MRM1: variants seen among roughly 807,000 people sequenced by gnomAD.
MRM1 encodes rRNA methyltransferase 1, mitochondrial.
MRM1 carries 24 observed loss-of-function variants against 25.0 expected under a neutral mutation model. The observed-to-expected ratio is 0.96, with a 90% CI of 0.69 to 1.35. The LOEUF is 1.35. Ranked by LOEUF, MRM1 falls within the 40% of genes most tolerant of loss-of-function variation. The pLI is 0.00. For synonymous variants in MRM1, 188 were observed against 199.2 expected (o/e 0.94, Z 0.47); for missense variants, 431 against 464.1 (o/e 0.93, Z 0.65).
At chr17:36,625,943 C>T in the MRM1 span, among the ~76,000 whole-genome samples, 2 of 151,938 alleles carry the variant, frequency 1.3e-5, no homozygotes, top group Non-Finnish European at 2.9e-5. Flanking sequence ...AATCTCATCA[C>T]CCCCTAAAGC....
the MRM1 span, among the ~76,000 whole-genome samples, chr17:36,625,956 C>G: frequency 6.6e-6 from 1 of 151,416 alleles, no homozygotes; most frequent in African/African-American, 2.4e-5. Context: ...CCTAAAGCCT[C>G]CCCTGATGCT....
intron 2 of MRM1, among the ~76,000 whole-genome samples, chr17:36,605,124 G>A (rs2074916743): frequency 6.7e-6 from 1 of 148,664 alleles, no homozygotes; most frequent in Non-Finnish European, 1.5e-5. Context: ...TGGGCAATAA[G>A]AGTGAAACTC....
chr17:36,610,934 C>T (rs1015095710), downstream of MRM1, among the ~76,000 whole-genome samples: 1 of 152,162 alleles, frequency 6.6e-6, no homozygotes, highest in Non-Finnish European at 1.5e-5. Flanking sequence ...CTGCCTCAGC[C>T]TCCCAAGTAG....
the MRM1 span, among the ~76,000 whole-genome samples, chr17:36,628,266 G>T: frequency 6.6e-6 from 1 of 152,202 alleles, no homozygotes; most frequent in Admixed American, 6.5e-5. Context: ...AGGATTATAG[G>T]CACGAGCCAC....
chr17:36,609,942 T>C (rs557723209), downstream of MRM1, among the ~76,000 whole-genome samples: 2 of 152,364 alleles, frequency 1.3e-5, no homozygotes, highest in East Asian at 1.9e-4. Context: ...TCCTTTTTTT[T>C]TGAGACAGGG....
Position 36,602,430 on chromosome 17 carries a change from A to G in MRM1, c.542+78A>G. 1.3e-6 allele frequency: 2 copies of G among 1,564,544 alleles called. No individual in the cohort carries two copies. The highest frequency in any genetic ancestry group is 1.2e-5 in the South Asian group (1 of 84,030). On this transcript the variant is annotated intron_variant, in intron 1 of 4. Coordinates refer to ENST00000614766, the MANE Select transcript of MRM1 (RefSeq NM_024864.5). This position sits in a 1 kb window ranked among gnomAD's most constrained non-coding sequence, Gnocchi z 4.1. The stretch of plus-strand genomic sequence containing the variant: ...TCCTAAGCACCTTGGCCCTTGGGTG[A>G]TCCCTTAGCCAGACTTACCTGTCCC...
chr17:36,633,052 T>C, the MRM1 span, among the ~76,000 whole-genome samples: 1 of 152,210 alleles, frequency 6.6e-6, no homozygotes, highest in Non-Finnish European at 1.5e-5. Flanking sequence ...GGAGGCTGAA[T>C]TATTTGGATA....
chr17:36,634,208 A>C, the MRM1 span: 1 of 152,210 alleles, frequency 6.6e-6, no homozygotes, highest in African/African-American at 2.4e-5. Flanking sequence ...TACTCCAAAA[A>C]GGAGCGAAAG....
At chr17:36,613,464 T>G (rs11658614), downstream of MRM1, among the ~76,000 whole-genome samples, 75,756 of 152,042 alleles carry the variant, frequency 0.5, 20,817 homozygotes, top group African/African-American at 0.74. Context: ...TCCTGGGGTT[T>G]TGAGGCAGGG....
rs770154150 is a variant in MRM1, at chr17:36,602,091, C to T, written c.281C>T (p.Ala94Val). Residue 94 changes from alanine (A) to valine (V), a missense_variant, in exon 1 of 5, where the codon GCG becomes GTG. Ala to Val is a moderately conservative substitution (Grantham distance 64, BLOSUM62 0). Transcript: ENST00000614766. This position sits in a 1 kb window ranked among gnomAD's most constrained non-coding sequence, Gnocchi z 4.1. ...KRAELLRMAEARDIPVLRPRR... is the reference protein window; with the variant it reads ...KRAELLRMAEVRDIPVLRPRR... ...GCCGAGCTGCTCCGGATGGCCGAGG[C>T]GCGGGACATTCCAGTTCTGCGGCCC... is the stretch of plus-strand genomic sequence containing the variant. 6.2e-7 allele frequency: 1 copy of T among 1,610,952 alleles called. No homozygotes were observed.
At chr17:36,619,815 A>G in the MRM1 span, among the ~76,000 whole-genome samples, 32 of 152,262 alleles carry the variant, frequency 2.1e-4, no homozygotes, top group East Asian at 6.0e-3. Flanking sequence ...TGCCCCCAAG[A>G]GTGCTCAAGG....
chr17:36,607,227 G>C (rs575795752), intron 2 of MRM1, among the ~76,000 whole-genome samples: 2 of 151,364 alleles, frequency 1.3e-5, no homozygotes, highest in African/African-American at 4.9e-5. Flanking sequence ...GGCTAGTTTT[G>C]AACTCCTGAC....
At chr17:36,609,904 C>G (rs1416096824), downstream of MRM1, among the ~76,000 whole-genome samples, 1 of 152,172 alleles carries the variant, frequency 6.6e-6, no homozygotes, top group Non-Finnish European at 1.5e-5. Context: ...TAGAGCAACA[C>G]TTAAAGTTGT....
At chr17:36,606,771 C>T (rs1164369364) in intron 2 of MRM1, among the ~76,000 whole-genome samples, 1 of 151,962 alleles carries the variant, frequency 6.6e-6, no homozygotes, top group Non-Finnish European at 1.5e-5. Flanking sequence ...CCACACCCAG[C>T]TAATTTTTTG....
the MRM1 span, among the ~76,000 whole-genome samples, chr17:36,617,200 A>G: frequency 2.6e-5 from 4 of 151,936 alleles, no homozygotes; most frequent in Non-Finnish European, 4.4e-5. Flanking sequence ...GACTCCAGAC[A>G]TGGGTTCAAA....
Position 36,608,002 on chromosome 17 carries a change from C to T in MRM1, c.873C>T (p.Asn291=), listed in dbSNP as rs2074946696. The T allele has an allele frequency of 4.3e-6, 7 of 1,614,008 alleles. 1 individual carries two copies. Among genetic ancestry groups the T allele is most frequent in the South Asian group, 3.3e-5 (3 of 91,080 alleles). ...RQLPPGLESL[N]VSVAAGILLH... is the part of the protein sequence containing the mutation. ...TGCCTCCTGGACTTGAGTCCTTGAACGTCTCTGTGGCTGCAGGTGAGTCTA... is the reference window on the plus strand; with the variant it reads ...TGCCTCCTGGACTTGAGTCCTTGAATGTCTCTGTGGCTGCAGGTGAGTCTA... The change falls in exon 4 of 5, where the codon AAC becomes AAT. Residue 291 remains asparagine, a synonymous_variant. Coordinates refer to ENST00000614766, the MANE Select transcript of MRM1 (RefSeq NM_024864.5).
chr17:36,625,462 C>CTT, the MRM1 span, among the ~76,000 whole-genome samples: 4,685 of 101,880 alleles, frequency 0.046, 361 homozygotes, highest in African/African-American at 0.099. Context: ...CCTCCTCCTC[C>CTT]TTTTTTTTTT....
At chr17:36,619,922 T>C in the MRM1 span, among the ~76,000 whole-genome samples, 1 of 152,192 alleles carries the variant, frequency 6.6e-6, no homozygotes, top group African/African-American at 2.4e-5. Flanking sequence ...CCTTGTGGTT[T>C]TGATTTACGT....
Position 36,607,889 on chromosome 17 carries a change from C to A in MRM1, c.770-10C>A. On this transcript the variant is annotated splice_polypyrimidine_tract_variant and intron_variant, in intron 3 of 4. Transcript: ENST00000614766. Reference sequence around the variant, plus strand: ...TGGGCAACCCTAACCCTCAGCCCCACGCCCTGCAGGGAATGAGGGCTCAGG... The same window carrying A: ...TGGGCAACCCTAACCCTCAGCCCCAAGCCCTGCAGGGAATGAGGGCTCAGG... 3 of 1,613,448 alleles carry A rather than the reference C, an allele frequency of 1.9e-6. No homozygotes were observed. The highest frequency in any genetic ancestry group is 1.1e-5 in the South Asian group (1 of 91,018).
Sources: allele counts gnomAD v4.1 joint callset (sites outside exome capture counted in the v4.1 genomes callset), GRCh38; gene constraint gnomAD v4.1.1; non-coding constraint Gnocchi (gnomAD v3.1); transcripts MANE v1.5; gene names NCBI Gene and HGNC (gene_info 2026-07-23, HGNC 2026-07-21).